MYRIP: variants seen among roughly 807,000 people sequenced by gnomAD.
The protein encoded by MYRIP is myosin VIIA and Rab interacting protein.
In MYRIP, 49 loss-of-function variants were observed where a neutral mutation model predicts 98.0. The ratio of observed to expected loss-of-function variants is 0.50; its 90% CI spans 0.40 to 0.63. MYRIP has a LOEUF of 0.63. Ranked by LOEUF, MYRIP falls within the 30% of genes least tolerant of loss-of-function variation. The pLI is 0.00. For missense variants in MYRIP, 1,004 were observed against 1,058.2 expected, an observed-to-expected ratio of 0.95 and a Z score of 0.71; for synonymous variants, 404 against 409.5, an observed-to-expected ratio of 0.99 and a Z score of 0.16.
At chr3:40,160,043 T>C (rs1559427101) in intron 4 of MYRIP, among the ~76,000 whole-genome samples, 2 of 152,236 alleles carry the variant, frequency 1.3e-5, no homozygotes, top group African/African-American at 4.8e-5. Flanking sequence ...GGTGAGGAAC[T>C]GTGTTCCTTT....
intron 9 of MYRIP, among the ~76,000 whole-genome samples, chr3:40,185,151 T>C (rs1005233776): frequency 7.2e-5 from 11 of 152,154 alleles, no homozygotes; most frequent in Admixed American, 3.3e-4. Flanking sequence ...TATTTGGCAG[T>C]TGTGTTTATG....
chr3:40,247,331 G>A (rs1953237121), intron 13 of MYRIP, among the ~76,000 whole-genome samples: 1 of 151,960 alleles, frequency 6.6e-6, no homozygotes, highest in Non-Finnish European at 1.5e-5. Flanking sequence ...CCAATGTTCT[G>A]TGAGCGTTAT....
intron 10 of MYRIP, among the ~76,000 whole-genome samples, chr3:40,194,049 C>T (rs1951318161): frequency 6.6e-6 from 1 of 152,038 alleles, no homozygotes; most frequent in Admixed American, 6.5e-5. Context: ...ATTTTACATA[C>T]AAAAATTTTT....
chr3:40,160,679 C>A (rs376561293), intron 4 of MYRIP, among the ~76,000 whole-genome samples: 2 of 152,272 alleles, frequency 1.3e-5, no homozygotes, highest in Non-Finnish European at 2.9e-5. Context: ...GAGCCAGGTG[C>A]GGGATATAAT....
chr3:39,992,485 T>C (rs1946203932), intron 2 of MYRIP, among the ~76,000 whole-genome samples: 1 of 152,204 alleles, frequency 6.6e-6, no homozygotes, highest in African/African-American at 2.4e-5. Flanking sequence ...TTATTCTCTT[T>C]CCAATTTAAC....
At chr3:39,961,678 G>A (rs1382101884) in intron 2 of MYRIP, among the ~76,000 whole-genome samples, 1 of 152,022 alleles carries the variant, frequency 6.6e-6, no homozygotes, top group Non-Finnish European at 1.5e-5. Context: ...GTTACTAGTC[G>A]AGATATCTAA....
chr3:40,130,036 C>A (rs2125917501), intron 3 of MYRIP, among the ~76,000 whole-genome samples: 1 of 152,252 alleles, frequency 6.6e-6, no homozygotes, highest in South Asian at 2.1e-4. Flanking sequence ...TTTAGGGAAA[C>A]AACACAATGA....
chr3:40,029,451 T>C (rs1001127517), intron 2 of MYRIP, among the ~76,000 whole-genome samples: 1 of 152,148 alleles, frequency 6.6e-6, no homozygotes, highest in African/African-American at 2.4e-5. Context: ...TGTTAGAAGA[T>C]ATGTAAGCCA....
At chr3:39,923,613 A>C (rs1944351826) in intron 2 of MYRIP, among the ~76,000 whole-genome samples, 1 of 152,160 alleles carries the variant, frequency 6.6e-6, no homozygotes, top group South Asian at 2.1e-4. Context: ...CATATGAAGG[A>C]AAACTAAGAA....
intron 2 of MYRIP, among the ~76,000 whole-genome samples, chr3:39,979,971 GT>G (rs1945849928): frequency 6.6e-6 from 1 of 152,184 alleles, no homozygotes; most frequent in Admixed American, 6.5e-5. Context: ...AGAAGCAAAG[GT>G]GAGCACAGGA....
At chr3:39,962,283 G>T (rs1945341995) in intron 2 of MYRIP, among the ~76,000 whole-genome samples, 1 of 152,006 alleles carries the variant, frequency 6.6e-6, no homozygotes, top group African/African-American at 2.4e-5. Context: ...AAGTGTCAGT[G>T]GTTATTGTGT....
chr3:40,237,601 G>A (rs1018597612), intron 12 of MYRIP, among the ~76,000 whole-genome samples: 27 of 152,260 alleles, frequency 1.8e-4, no homozygotes, highest in Non-Finnish European at 3.7e-4. Context: ...AGCACTTAGT[G>A]AATGTTCAGC....
chr3:40,247,577 G>C (rs551979817), intron 13 of MYRIP, among the ~76,000 whole-genome samples: 8 of 152,306 alleles, frequency 5.3e-5, no homozygotes, highest in Admixed American at 3.3e-4. Flanking sequence ...AGGCTGGGAT[G>C]CAATGGCACA....
intron 3 of MYRIP, among the ~76,000 whole-genome samples, chr3:40,132,383 T>C (rs569743415): frequency 1.3e-5 from 2 of 151,930 alleles, no homozygotes; most frequent in East Asian, 3.9e-4. Flanking sequence ...GATAAGCCTG[T>C]AGCTGTGAAA....
At chr3:40,002,384 A>G (rs1251357923) in intron 2 of MYRIP, among the ~76,000 whole-genome samples, 1 of 152,036 alleles carries the variant, frequency 6.6e-6, no homozygotes, top group Non-Finnish European at 1.5e-5. Flanking sequence ...AAAATACAAA[A>G]ATTAGCTGGG....
intron 2 of MYRIP, among the ~76,000 whole-genome samples, chr3:40,021,698 G>A (rs59312359): frequency 6.6e-6 from 1 of 152,266 alleles, no homozygotes; most frequent in African/African-American, 2.4e-5. Flanking sequence ...TGTGATACAG[G>A]TTTTGACCAA....
chr3:40,211,341 C>G (rs1951922286), intron 11 of MYRIP, among the ~76,000 whole-genome samples: 1 of 152,140 alleles, frequency 6.6e-6, no homozygotes, highest in Non-Finnish European at 1.5e-5. Flanking sequence ...CTTCATCTGC[C>G]CAGCAGCCGA....
intron 3 of MYRIP, among the ~76,000 whole-genome samples, chr3:40,065,910 A>T (rs1430136171): frequency 6.6e-6 from 1 of 152,144 alleles, no homozygotes; most frequent in Non-Finnish European, 1.5e-5. Flanking sequence ...CAGAGCCTGG[A>T]CTATGTTTCT....
chr3:40,113,968 C>T (rs935322332), intron 3 of MYRIP, among the ~76,000 whole-genome samples: 1 of 152,180 alleles, frequency 6.6e-6, no homozygotes, highest in African/African-American at 2.4e-5. Context: ...GGATTACAGG[C>T]ATGAACCACC....
Sources: allele counts gnomAD v4.1 joint callset (sites outside exome capture counted in the v4.1 genomes callset), GRCh38; gene constraint gnomAD v4.1.1; transcripts MANE v1.5; gene names NCBI Gene and HGNC (gene_info 2026-07-23, HGNC 2026-07-21).